Variants in KIF21A observed in about 807,000 individuals in gnomAD.
KIF21A encodes kinesin-like protein KIF21A.
In KIF21A, 114 loss-of-function variants were observed where a neutral mutation model predicts 202.9. The ratio of observed to expected loss-of-function variants is 0.56; its 90% confidence interval spans 0.48 to 0.66. The LOEUF is 0.66. Among genes scored for constraint, KIF21A ranks in the 30% least tolerant of loss-of-function variants. KIF21A has a pLI of 0.00. For synonymous variants in KIF21A, 667 were observed against 670.8 expected, an observed-to-expected ratio of 0.99 and a Z score of 0.09; for missense variants, 1,677 against 1,994.9, an observed-to-expected ratio of 0.84 and a Z score of 3.04.
intron 3 of KIF21A, among the ~76,000 whole-genome samples, chr12:39,368,344 C>T (rs1566000749): frequency 6.6e-6 from 1 of 152,134 alleles, no homozygotes; most frequent in African/African-American, 2.4e-5. Flanking sequence ...ACCCTAGAAA[C>T]ATGTGCCAAA....
At chr12:39,361,644 T>A (rs1051935075) in intron 7 of KIF21A, among the ~76,000 whole-genome samples, 1 of 142,828 alleles carries the variant, frequency 7.0e-6, no homozygotes, top group Non-Finnish European at 1.5e-5. Context: ...TAGCTGGGAC[T>A]ACAGGCGCCC....
At chr12:39,431,371 G>A (rs960995639) in intron 1 of KIF21A, among the ~76,000 whole-genome samples, 2 of 152,092 alleles carry the variant, frequency 1.3e-5, no homozygotes, top group African/African-American at 4.8e-5. Context: ...TTCAAGACAC[G>A]GGGAAAGAGA....
intron 1 of KIF21A, among the ~76,000 whole-genome samples, chr12:39,437,408 AT>A (rs1018413139): frequency 9.2e-5 from 14 of 152,142 alleles, no homozygotes; most frequent in African/African-American, 3.4e-4. Flanking sequence ...AAATGAAATT[AT>A]TTCATTGACT....
intron 17 of KIF21A, among the ~76,000 whole-genome samples, chr12:39,335,152 C>T (rs2138213018): frequency 6.6e-6 from 1 of 152,196 alleles, no homozygotes; most frequent in East Asian, 1.9e-4. Context: ...CAGCTGGGTG[C>T]AGTGGCTCAC....
chr12:39,366,427 C>A lies in KIF21A; in HGVS notation c.826G>T (p.Ala276Ser). The change falls in exon 6 of 38, where the codon GCA becomes TCA. Residue 276 changes from alanine (A) to serine (S), a missense_variant. By Grantham distance (99) the Ala-to-Ser change is moderately conservative. Around this residue, in one of 3 missense-constraint regions of KIF21A, gnomAD observed 966 missense variants for 1,180.9 expected, o/e 0.82. Coordinates refer to ENST00000361418, the MANE Select transcript of KIF21A (RefSeq NM_001173464.2). The part of the protein sequence containing the change: ...LTAKFHFVDL[A>S]GSERLKRTGA... ...GTACGCTTCAGTCTTTCAGATCCTGCGAGATCAACAAAATGGAACTTTGCA... is the reference window on the plus strand; with the variant it reads ...GTACGCTTCAGTCTTTCAGATCCTGAGAGATCAACAAAATGGAACTTTGCA... 1.9e-6 allele frequency: 3 copies of A among 1,613,870 alleles called. No individual in the cohort carries two copies. Among genetic ancestry groups the A allele is most frequent in the Non-Finnish European group, 2.5e-6 (3 of 1,179,820 alleles).
chr12:39,329,190 G>C (rs1004273558), intron 24 of KIF21A, among the ~76,000 whole-genome samples: 2 of 152,160 alleles, frequency 1.3e-5, no homozygotes, highest in African/African-American at 4.8e-5. Context: ...TCTAGAGAGA[G>C]CCCCAGTCCC....
intron 1 of KIF21A, among the ~76,000 whole-genome samples, chr12:39,427,894 G>T (rs1954890379): frequency 6.6e-6 from 1 of 152,170 alleles, no homozygotes; most frequent in African/African-American, 2.4e-5. Context: ...CCTGACCTCA[G>T]ATGATCCAGC....
chr12:39,303,755 T>C (rs559881209), intron 35 of KIF21A, among the ~76,000 whole-genome samples: 46 of 152,282 alleles, frequency 3.0e-4, no homozygotes, highest in African/African-American at 1.1e-3. Context: ...AACTCTGCAG[T>C]CCCGGAGGTC....
At chr12:39,370,655 G>T (rs1399735911) in intron 1 of KIF21A, among the ~76,000 whole-genome samples, 3 of 151,740 alleles carry the variant, frequency 2.0e-5, no homozygotes, top group Admixed American at 6.6e-5. Flanking sequence ...ATGATAGTAT[G>T]GAAAAATAAA....
chr12:39,416,617 G>A (rs1592646342), intron 1 of KIF21A, among the ~76,000 whole-genome samples: 1 of 121,408 alleles, frequency 8.2e-6, no homozygotes, highest in South Asian at 3.0e-4. Context: ...ATATATATAT[G>A]TACATATATA....
chr12:39,294,880 G>A (rs1942142051), intron 37 of KIF21A, among the ~76,000 whole-genome samples: 1 of 152,148 alleles, frequency 6.6e-6, no homozygotes, highest in Admixed American at 6.5e-5. Flanking sequence ...AGGCAGTCTG[G>A]CTCCGAGCCC....
At chr12:39,438,343 T>C (rs749432867) in intron 1 of KIF21A, among the ~76,000 whole-genome samples, 2 of 152,182 alleles carry the variant, frequency 1.3e-5, no homozygotes, top group Non-Finnish European at 2.9e-5. Context: ...GAGGCATCAT[T>C]AGTGCCTGCA....
chr12:39,382,931 G>A lies in KIF21A; in HGVS notation c.45-12670C>T, dbSNP rs555342315. Among the ~76,000 whole-genome samples the A allele has an allele frequency of 1.1e-4, 16 of 152,224 alleles. No homozygotes were observed. The South Asian group carries it at 1.7e-3, about 16-fold the overall frequency. ...GCTAGCCGAATGTCATCCATGGAGC[G>A]TTACATTACTGCATGAAGTATCAGA... On this transcript the variant is annotated intron_variant, in intron 1 of 37. Coordinates refer to ENST00000361418, the MANE Select transcript of KIF21A (RefSeq NM_001173464.2).
intron 1 of KIF21A, among the ~76,000 whole-genome samples, chr12:39,427,513 C>CA (rs1169432690): frequency 2.0e-5 from 3 of 152,176 alleles, no homozygotes; most frequent in African/African-American, 7.2e-5. Context: ...GATTTGAACT[C>CA]AAAGTCCAAC....
intron 1 of KIF21A, among the ~76,000 whole-genome samples, chr12:39,440,408 T>C (rs1183493546): frequency 2.0e-5 from 3 of 152,200 alleles, no homozygotes; most frequent in African/African-American, 7.2e-5. Context: ...TTTCTGTGCC[T>C]CATCTGTAAA....
chr12:39,303,254 T>C, intron 35 of KIF21A, 119 bp from the exon 36 acceptor site: 2 of 807,584 alleles, frequency 2.5e-6, no homozygotes, highest in South Asian at 1.6e-5. Flanking sequence ...TTTTGTTATC[T>C]ATTGTTTCTG....
At chr12:39,412,446 G>C (rs1005678300) in intron 1 of KIF21A, among the ~76,000 whole-genome samples, 1 of 152,198 alleles carries the variant, frequency 6.6e-6, no homozygotes, top group African/African-American at 2.4e-5. Flanking sequence ...CCCAGGTGTG[G>C]TGGCTCATGC....
chr12:39,397,707 G>T (rs948827904), intron 1 of KIF21A, among the ~76,000 whole-genome samples: 1 of 152,092 alleles, frequency 6.6e-6, no homozygotes, highest in Non-Finnish European at 1.5e-5. Context: ...TGTAGTAGTA[G>T]GGCCCTGGGA....
intron 1 of KIF21A, among the ~76,000 whole-genome samples, chr12:39,428,956 CAAAA>C (rs931501673): frequency 3.0e-5 from 2 of 65,604 alleles, no homozygotes; most frequent in African/African-American, 6.1e-5. Flanking sequence ...GACTCCGTCT[CAAAA>C]AAAAAAAAAA....
Sources: allele counts gnomAD v4.1 joint callset (sites outside exome capture counted in the v4.1 genomes callset), GRCh38; gene constraint gnomAD v4.1.1; regional missense constraint gnomAD v4.1.1; transcripts MANE v1.5; gene names NCBI Gene and HGNC (gene_info 2026-07-23, HGNC 2026-07-21).